TPM3: variants seen among roughly 807,000 people sequenced by gnomAD.
TPM3 encodes tropomyosin alpha-3 chain.
A neutral mutation model predicts 43.1 loss-of-function variants in TPM3; 16 were observed. The observed-to-expected ratio is 0.37, with a 90% CI of 0.25 to 0.56. The LOEUF (loss-of-function observed/expected upper bound fraction) is 0.56, where lower values mean the gene tolerates loss of function less well. TPM3 is among the 20% of genes least tolerant of loss of function. The probability of loss-of-function intolerance (pLI) is 0.77; values close to 1 mark genes in which losing one functional copy is unlikely to be tolerated. For synonymous variants in TPM3, 101 were observed against 116.9 expected, an observed-to-expected ratio of 0.86 and a Z score of 0.88; for missense variants, 176 against 337.2, an observed-to-expected ratio of 0.52 and a Z score of 3.74.
intron 2 of TPM3, among the ~76,000 whole-genome samples, chr1:154,190,338 T>C (rs1238292530): frequency 1.3e-5 from 2 of 152,256 alleles, no homozygotes; most frequent in Admixed American, 6.5e-5. Flanking sequence ...TCTGTTGTTG[T>C]TGGTAAGATT....
At chr1:154,169,166 C>A in intron 9 of TPM3, 139 bp downstream of exon 9, 1 of 983,364 alleles carries the variant, frequency 1.0e-6, no homozygotes, top group Non-Finnish European at 1.6e-6. Context: ...AAACAAATAA[C>A]CAGCACCAAT....
chr1:154,170,314 T>C (rs989081858), intron 8 of TPM3, 86 bp downstream of exon 8: 32 of 1,457,264 alleles, frequency 2.2e-5, no homozygotes, highest in African/African-American at 4.2e-5. Context: ...ACCAACTTCC[T>C]TTGGTGTACA....
At chr1:154,159,341 G>A (rs1212794598), downstream of TPM3, among the ~76,000 whole-genome samples, 3 of 152,142 alleles carry the variant, frequency 2.0e-5, no homozygotes, top group African/African-American at 4.8e-5. Flanking sequence ...TTATTCCCTG[G>A]GTTGAGAAAC....
chr1:154,182,958 C>T, intron 2 of TPM3: 1 of 1,610,490 alleles, frequency 6.2e-7, no homozygotes, highest in Non-Finnish European at 8.5e-7. Context: ...AGCGCCTGCC[C>T]CTCCCTCATG....
chr1:154,176,689 G>A (rs562653817), intron 2 of TPM3, among the ~76,000 whole-genome samples: 1 of 150,396 alleles, frequency 6.6e-6, no homozygotes, highest in South Asian at 2.1e-4. Context: ...TTCTTAAAGA[G>A]GGTATCCTGA....
downstream of TPM3, chr1:154,157,659 G>A (rs1229662176): frequency 3.8e-6 from 3 of 779,990 alleles, no homozygotes; most frequent in Non-Finnish European, 4.8e-6. Context: ...TTCAGGTCAA[G>A]CAGGGTCTGG....
intron 2 of TPM3, 101 bp from the exon 3 acceptor site, chr1:154,176,349 G>A: frequency 6.4e-7 from 1 of 1,550,786 alleles, no homozygotes; most frequent in South Asian, 1.1e-5. Flanking sequence ...GAAAAAGCCA[G>A]AGTCTCGCAG....
At chr1:154,179,352 T>C (rs891552846) in intron 2 of TPM3, among the ~76,000 whole-genome samples, 4 of 152,108 alleles carry the variant, frequency 2.6e-5, no homozygotes, top group African/African-American at 9.7e-5. Context: ...GTTCTAGTAC[T>C]GGGGAAAGAG....
At chr1:154,174,407 T>TATATATATATACACAC (rs1261318136) in intron 3 of TPM3, among the ~76,000 whole-genome samples, 21 of 72,680 alleles carry the variant, frequency 2.9e-4, no homozygotes, top group African/African-American at 9.5e-4. Flanking sequence ...TATATATATA[T>TATATATATATACACAC]ACACACAAAA....
chr1:154,169,427 T>G (rs1342827942), intron 8 of TPM3, 44 bp from the exon 9 acceptor site: 3 of 1,599,854 alleles, frequency 1.9e-6, no homozygotes, highest in Middle Eastern at 1.7e-4. Context: ...GGGGACAGAG[T>G]GAAGAGTTTC....
chr1:154,185,923 C>T (rs1558065103), intron 2 of TPM3, among the ~76,000 whole-genome samples: 1 of 151,392 alleles, frequency 6.6e-6, no homozygotes, highest in Admixed American at 6.6e-5. Flanking sequence ...TGGAACAGGA[C>T]TTACAATGAA....
At chr1:154,156,431 T>A (rs1022990667), downstream of TPM3, 1 of 189,778 alleles carries the variant, frequency 5.3e-6, no homozygotes, top group Non-Finnish European at 1.1e-5. Flanking sequence ...AGTTGCACTA[T>A]TGATTTCTCT....
intron 2 of TPM3, chr1:154,183,093 C>T: frequency 6.2e-7 from 1 of 1,600,078 alleles, no homozygotes; most frequent in South Asian, 1.1e-5. Context: ...TGCGCTTCAC[C>T]GCCTCGATGG....
At chr1:154,171,946 G>A (rs1408669598) in intron 5 of TPM3, 1 of 1,409,758 alleles carries the variant, frequency 7.1e-7, no homozygotes, top group African/African-American at 1.4e-5. Context: ...ATCAAGTGGA[G>A]GGGAGGCAGC....
In TPM3 at chr1:154,167,380, A is replaced by T; in HGVS notation, c.*557T>A. ...ACCGGTAAAAGGGTACAGAATGTGT[A>T]TTGAGAGTCACTTCAATGGCTTCTC... On this transcript the variant is annotated 3_prime_UTR_variant, in exon 10 of 10. Coordinates refer to ENST00000651641, the MANE Select transcript of TPM3 (RefSeq NM_152263.4). 4.7e-6 allele frequency: 5 copies of T among 1,062,522 alleles called. No individual in the cohort carries two copies. Among genetic ancestry groups the T allele is most frequent in the Non-Finnish European group, 5.7e-6 (5 of 877,252 alleles). The allele number at this position is 1,062,522 out of a possible 1,614,324, so 65.8% of individuals were successfully genotyped here.
intron 2 of TPM3, among the ~76,000 whole-genome samples, chr1:154,189,569 G>A (rs1432212043): frequency 6.6e-6 from 1 of 151,966 alleles, no homozygotes. Context: ...CGAGGCAGGC[G>A]GATCACCTGA....
At chr1:154,160,341 T>C (rs1353610726), downstream of TPM3, among the ~76,000 whole-genome samples, 1 of 152,226 alleles carries the variant, frequency 6.6e-6, no homozygotes, top group Non-Finnish European at 1.5e-5. Context: ...TATGTGAGCA[T>C]TGCTCAGGTA....
chr1:154,159,086 G>T, downstream of TPM3: 1 of 779,442 alleles, frequency 1.3e-6, no homozygotes. Flanking sequence ...CACAAGAGAA[G>T]GAGAGGAAAA....
At chr1:154,176,273 A>G in intron 2 of TPM3, 25 bp from the exon 3 acceptor site, 1 of 1,614,146 alleles carries the variant, frequency 6.2e-7, no homozygotes, top group Non-Finnish European at 8.5e-7. Context: ...AAGAATGGAC[A>G]AGGGAAGCAG....
Sources: allele counts gnomAD v4.1 joint callset (sites outside exome capture counted in the v4.1 genomes callset), GRCh38; gene constraint gnomAD v4.1.1; transcripts MANE v1.5; gene names NCBI Gene and HGNC (gene_info 2026-07-23, HGNC 2026-07-21).